Variants in SLC25A13 observed in about 807,000 individuals in gnomAD.
SLC25A13 encodes the protein solute carrier family 25 member 13.
Under a neutral mutation model 85.5 loss-of-function variants are expected in SLC25A13, and 70 were observed. The observed-to-expected ratio is 0.82, with a 90% CI of 0.68 to 1.00. The LOEUF (loss-of-function observed/expected upper bound fraction) is 1.00, where lower values mean the gene tolerates loss of function less well. Ranked by LOEUF, SLC25A13 falls within the 50% of genes least tolerant of loss-of-function variation. SLC25A13 has a pLI of 0.00. For missense variants in SLC25A13, 765 were observed against 819.8 expected, an observed-to-expected ratio of 0.93 and a Z score of 0.82; for synonymous variants, 259 against 288.7, an observed-to-expected ratio of 0.90 and a Z score of 1.04.
chr7:96,302,963 T>C (rs1364697444), intron 1 of SLC25A13, among the ~76,000 whole-genome samples: 1 of 152,234 alleles, frequency 6.6e-6, no homozygotes, highest in South Asian at 2.1e-4. Context: ...GATTATAAGA[T>C]GTAGGTTCTC....
intron 13 of SLC25A13, 84 bp downstream of exon 13, chr7:96,169,961 C>T (rs1347605339): frequency 1.5e-6 from 2 of 1,360,612 alleles, no homozygotes; most frequent in Non-Finnish European, 2.1e-6. Flanking sequence ...TAAACAGAAG[C>T]CTTAGTCCAC....
intron 13 of SLC25A13, among the ~76,000 whole-genome samples, chr7:96,162,703 A>T (rs964687612): frequency 6.6e-6 from 1 of 152,242 alleles, no homozygotes; most frequent in Non-Finnish European, 1.5e-5. Context: ...TGAGAAAGTC[A>T]ACACCAATTC....
chr7:96,192,700 T>G lies in SLC25A13; in HGVS notation c.615+337A>C, dbSNP rs547489089. 6.6e-3 allele frequency among the ~76,000 whole-genome samples: 839 copies of G among 126,486 alleles called. 8 individuals carry two copies. The highest frequency in any genetic ancestry group is 0.022 in the African/African-American group (775 of 35,810). 83.0% of individuals were successfully genotyped at this position (126,486 alleles called of 152,430 possible). On this transcript the variant is annotated intron_variant, in intron 6 of 17. Transcript: ENST00000265631. ...ATGTGCACTATTTTTTTTTTTTTTT[T>G]GCCTTAGAGCATCTAAGAAGATTAG...
At chr7:96,287,646 T>C (rs1387981486) in intron 2 of SLC25A13, among the ~76,000 whole-genome samples, 2 of 152,332 alleles carry the variant, frequency 1.3e-5, no homozygotes, top group African/African-American at 2.4e-5. Flanking sequence ...AGGGACCATG[T>C]GGCCTCCTCG....
rs559133367 is a variant in SLC25A13, at chr7:96,172,576, T to C, written c.1178-1052A>G. Among the ~76,000 whole-genome samples the C allele has an allele frequency of 7.3e-5, 11 of 151,252 alleles. No individual in the cohort carries two copies. The East Asian group carries it at 2.0e-3, about 27-fold the overall frequency. ...TGCCTCAAAAAAAAAAAAAGATCAA[T>C]GAACACACTGACCTAACAGTCAGTT... On this transcript the variant is annotated intron_variant, in intron 11 of 17. Transcript: ENST00000265631.
At chr7:96,244,704 T>G (rs998885980) in intron 3 of SLC25A13, among the ~76,000 whole-genome samples, 2 of 152,234 alleles carry the variant, frequency 1.3e-5, no homozygotes, top group African/African-American at 4.8e-5. Context: ...GCATGTGTTC[T>G]GAGGCCAGCA....
intron 4 of SLC25A13, among the ~76,000 whole-genome samples, chr7:96,231,662 T>G (rs1796545398): frequency 6.6e-6 from 1 of 151,490 alleles, no homozygotes; most frequent in African/African-American, 2.4e-5. Context: ...AGGTGGAGGT[T>G]GCACTGAGCC....
intron 6 of SLC25A13, 139 bp downstream of exon 6, chr7:96,192,898 G>A: frequency 1.1e-6 from 1 of 935,786 alleles, no homozygotes; most frequent in Non-Finnish European, 1.6e-6. Flanking sequence ...CTCTTTGTTT[G>A]AGTTTAGTAA....
chr7:96,286,456 T>C (rs1419733430), intron 2 of SLC25A13, among the ~76,000 whole-genome samples: 3 of 152,114 alleles, frequency 2.0e-5, no homozygotes, highest in Non-Finnish European at 4.4e-5. Flanking sequence ...ATGTGTTGTT[T>C]TCTTTGCCTA....
chr7:96,178,866 T>C (rs1025257011), intron 11 of SLC25A13, among the ~76,000 whole-genome samples: 5 of 152,218 alleles, frequency 3.3e-5, no homozygotes, highest in Non-Finnish European at 5.9e-5. Context: ...CACTATCGCC[T>C]TTCAAAGCCT....
chr7:96,309,993 C>T (rs956905924), intron 1 of SLC25A13, among the ~76,000 whole-genome samples: 3 of 152,096 alleles, frequency 2.0e-5, no homozygotes, highest in Non-Finnish European at 4.4e-5. Context: ...GAGAAGGAAC[C>T]ACATGAAGAC....
intron 5 of SLC25A13, among the ~76,000 whole-genome samples, chr7:96,203,250 C>T (rs997255077): frequency 5.3e-5 from 8 of 152,098 alleles, no homozygotes; most frequent in Admixed American, 2.0e-4. Flanking sequence ...TCCAGAGCAT[C>T]GCAATTTAGG....
chr7:96,268,660 C>T (rs1798123069), intron 3 of SLC25A13, among the ~76,000 whole-genome samples: 1 of 152,196 alleles, frequency 6.6e-6, no homozygotes, highest in Non-Finnish European at 1.5e-5. Flanking sequence ...TATGCTGTTA[C>T]ACAGGCAAAT....
chr7:96,292,948 C>T (rs1043744142), intron 2 of SLC25A13, among the ~76,000 whole-genome samples: 1 of 152,094 alleles, frequency 6.6e-6, no homozygotes, highest in African/African-American at 2.4e-5. Flanking sequence ...TCATATGGAA[C>T]CAAAAAAGAG....
At chr7:96,213,533 T>TA (rs1295294553) in intron 4 of SLC25A13, among the ~76,000 whole-genome samples, 2 of 152,204 alleles carry the variant, frequency 1.3e-5, no homozygotes. Context: ...GAGTCAAACT[T>TA]AGAGTTGCCC....
At chr7:96,257,112 G>C (rs182365292) in intron 3 of SLC25A13, among the ~76,000 whole-genome samples, 1 of 152,060 alleles carries the variant, frequency 6.6e-6, no homozygotes, top group African/African-American at 2.4e-5. Flanking sequence ...AGGAAAAGGC[G>C]GGAAAGATCT....
At chr7:96,305,430 T>G (rs1054715565) in intron 1 of SLC25A13, among the ~76,000 whole-genome samples, 4 of 152,208 alleles carry the variant, frequency 2.6e-5, no homozygotes, top group African/African-American at 9.6e-5. Context: ...AGAATATTAT[T>G]CTCCAGTATT....
At chr7:96,259,238 T>C (rs1393559575) in intron 3 of SLC25A13, among the ~76,000 whole-genome samples, 3 of 152,198 alleles carry the variant, frequency 2.0e-5, no homozygotes, top group Non-Finnish European at 1.5e-5. Context: ...AAAGAGCTTC[T>C]GCACAGCGAA....
intron 11 of SLC25A13, among the ~76,000 whole-genome samples, chr7:96,174,577 G>A (rs1258349604): frequency 2.0e-5 from 3 of 152,074 alleles, no homozygotes; most frequent in Non-Finnish European, 4.4e-5. Flanking sequence ...AAAATGCTTA[G>A]TTAAACATTT....
Sources: gnomAD v4.1 joint callset for allele counts (sites outside exome capture counted in the v4.1 genomes callset) on GRCh38, gnomAD v4.1.1 for gene constraint, MANE v1.5 for transcripts, NCBI Gene and HGNC (gene_info 2026-07-23, HGNC 2026-07-21) for gene names.